Variants in DIAPH2 observed in about 807,000 individuals in gnomAD.
DIAPH2 encodes the protein protein diaphanous homolog 2.
A neutral mutation model predicts 92.7 loss-of-function variants in DIAPH2; 35 were observed. That is an observed-to-expected ratio of 0.38 (90% CI 0.29 to 0.50). The LOEUF (loss-of-function observed/expected upper bound fraction) is 0.50. Among genes scored for constraint, DIAPH2 ranks in the 20% least tolerant of loss-of-function variants. The pLI is 0.94. For synonymous variants in DIAPH2, 301 were observed against 280.4 expected (o/e 1.07, Z -0.73); for missense variants, 701 against 819.5 (o/e 0.86, Z 1.77).
intron 10 of DIAPH2, among the ~76,000 whole-genome samples, chrX:96,934,202 C>G (rs1284226519): frequency 1.8e-5 from 2 of 111,719 alleles, no homozygotes; most frequent in African/African-American, 6.5e-5. Context: ...ATCTAACCTA[C>G]TAATGAATGA....
intron 4 of DIAPH2, among the ~76,000 whole-genome samples, chrX:96,845,183 A>G (rs1451849807): frequency 9.0e-6 from 1 of 111,376 alleles, no homozygotes; most frequent in Non-Finnish European, 1.9e-5. Flanking sequence ...TTGCACTGCA[A>G]TTTTTCTGCC....
intron 3 of DIAPH2, among the ~76,000 whole-genome samples, chrX:96,742,544 C>G (rs2064125947): frequency 8.9e-6 from 1 of 111,962 alleles, no homozygotes; most frequent in Non-Finnish European, 1.9e-5. Flanking sequence ...TTGACACCCA[C>G]CACACCTTAC....
At chrX:96,957,337 T>C (rs952118065) in intron 15 of DIAPH2, among the ~76,000 whole-genome samples, 4 of 112,269 alleles carry the variant, frequency 3.6e-5, no homozygotes, top group Non-Finnish European at 5.6e-5. Context: ...AGGTAATTTA[T>C]AAAGGAAAGA....
intron 21 of DIAPH2, among the ~76,000 whole-genome samples, chrX:97,120,855 T>C (rs1168794049): frequency 1.8e-5 from 2 of 110,370 alleles, no homozygotes; most frequent in African/African-American, 3.3e-5. Flanking sequence ...ATTTCCCCCA[T>C]AGAAGTTGTT....
At chrX:97,011,287 G>T (rs1399977284) in intron 17 of DIAPH2, among the ~76,000 whole-genome samples, 2 of 111,994 alleles carry the variant, frequency 1.8e-5, no homozygotes, top group Admixed American at 1.9e-4. Context: ...AGCATGTTGT[G>T]TATTGTTTAG....
At chrX:96,957,698 AAT>A in intron 15 of DIAPH2, 128 bp from the exon 16 acceptor site, 1 of 512,903 alleles carries the variant, frequency 1.9e-6, no homozygotes, top group South Asian at 3.8e-5. Context: ...ATATTTTAGT[AAT>A]ATCTAAAAAA....
intron 26 of DIAPH2, among the ~76,000 whole-genome samples, chrX:97,526,523 A>T (rs1171210209): frequency 9.0e-6 from 1 of 110,642 alleles, no homozygotes; most frequent in Non-Finnish European, 1.9e-5. Context: ...GTAAGAATAG[A>T]CATTGAATAC....
intron 4 of DIAPH2, among the ~76,000 whole-genome samples, chrX:96,847,223 A>G (rs1313141885): frequency 8.9e-6 from 1 of 112,083 alleles, no homozygotes; most frequent in Non-Finnish European, 1.9e-5. Flanking sequence ...TGATGAAGGC[A>G]CAAAAGGAAT....
At chrX:97,214,254 A>G (rs1200483543) in intron 22 of DIAPH2, among the ~76,000 whole-genome samples, 5 of 111,820 alleles carry the variant, frequency 4.5e-5, no homozygotes, top group Middle Eastern at 4.2e-3. Flanking sequence ...TTCAGTGAAA[A>G]GTAAGAACAA....
intron 1 of DIAPH2, among the ~76,000 whole-genome samples, chrX:96,722,870 G>A (rs984950206): frequency 2.7e-5 from 3 of 111,510 alleles, no homozygotes; most frequent in Admixed American, 9.5e-5. Flanking sequence ...GGCTACTGGC[G>A]ACTGACATTG....
Position 97,323,313 on chromosome X carries a change from C to T in DIAPH2, c.2845-24803C>T, listed in dbSNP as rs779852481. 2.0e-4 allele frequency among the ~76,000 whole-genome samples: 20 copies of T among 102,114 alleles called. No individual in the cohort carries two copies. The East Asian group carries it at 6.6e-3, about 34-fold the overall frequency. The allele number at this position is 102,114 out of a possible 115,157, so 88.7% of individuals were successfully genotyped here. ...CCAGTTCTTAAAAAGTAAGCTTGGC[C>T]GGGCGCGGTGGCTCACGCCTGTAAT... On this transcript the variant is annotated intron_variant, in intron 23 of 26. Transcript: ENST00000324765.
chrX:97,418,569 G>T (rs2069973607), intron 25 of DIAPH2, among the ~76,000 whole-genome samples: 1 of 112,035 alleles, frequency 8.9e-6, no homozygotes, highest in South Asian at 3.8e-4. Flanking sequence ...AAGCCAAAAT[G>T]ATTCCTTTCC....
At chrX:96,750,148 C>T (rs2064178642) in intron 3 of DIAPH2, among the ~76,000 whole-genome samples, 1 of 102,880 alleles carries the variant, frequency 9.7e-6, no homozygotes, top group Admixed American at 1.1e-4. Context: ...CCCTTTGCCT[C>T]CTGGGTTCAA....
intron 25 of DIAPH2, among the ~76,000 whole-genome samples, chrX:97,398,650 A>G (rs1354504551): frequency 9.0e-6 from 1 of 110,982 alleles, no homozygotes; most frequent in Non-Finnish European, 1.9e-5. Context: ...TGTATGAGTT[A>G]GCTCTTTTAA....
intron 26 of DIAPH2, among the ~76,000 whole-genome samples, chrX:97,566,927 G>A (rs193107546): frequency 8.9e-6 from 1 of 111,745 alleles, no homozygotes; most frequent in East Asian, 2.8e-4. Context: ...TGTGTATGTT[G>A]ACATCTATTG....
intron 24 of DIAPH2, among the ~76,000 whole-genome samples, chrX:97,376,990 C>T (rs1032200991): frequency 3.6e-5 from 4 of 111,953 alleles, no homozygotes; most frequent in East Asian, 2.8e-4. Flanking sequence ...TATTAGGGCA[C>T]TTAGCATGAA....
chrX:97,401,415 G>T (rs943408216), intron 25 of DIAPH2, among the ~76,000 whole-genome samples: 1 of 110,699 alleles, frequency 9.0e-6, no homozygotes, highest in Non-Finnish European at 1.9e-5. Flanking sequence ...TTGCTTTCTC[G>T]AGGTTCATCC....
intron 22 of DIAPH2, among the ~76,000 whole-genome samples, chrX:97,236,629 C>G (rs1285913207): frequency 2.9e-5 from 3 of 105,030 alleles, no homozygotes; most frequent in Non-Finnish European, 5.8e-5. Context: ...CCTGCAAGCT[C>G]CACCTCCCGG....
chrX:97,039,417 GGTT>G lies in DIAPH2; in HGVS notation c.2051-33517_2051-33515del, dbSNP rs753711348. Reference sequence around the variant, plus strand: ...TAACCTGTAGTTTTTTTGTGGTTGTGGTTGTTGTTAAAATTAGTGGGACCGTTG... The same window carrying G: ...TAACCTGTAGTTTTTTTGTGGTTGTGGTTGTTAAAATTAGTGGGACCGTTG... On this transcript the variant is annotated intron_variant, in intron 17 of 26. Coordinates refer to ENST00000324765, the MANE Select transcript of DIAPH2 (RefSeq NM_006729.5). Among the ~76,000 whole-genome samples the G allele has an allele frequency of 8.2e-3, 915 of 111,025 alleles. 7 individuals are homozygous for G. Among genetic ancestry groups the G allele is most frequent in the African/African-American group, 0.028 (854 of 30,624 alleles).
Sources: gnomAD v4.1 joint callset for allele counts (sites outside exome capture counted in the v4.1 genomes callset) on GRCh38, gnomAD v4.1.1 for gene constraint, MANE v1.5 for transcripts, NCBI Gene and HGNC (gene_info 2026-07-23, HGNC 2026-07-21) for gene names.